Variants in FRMPD3 observed in about 807,000 individuals in gnomAD.
The protein encoded by FRMPD3 is FERM and PDZ domain-containing protein 3.
FRMPD3 carries 42 observed loss-of-function variants against 97.9 expected under a neutral mutation model. That is an observed-to-expected ratio of 0.43 (90% CI 0.34 to 0.55). The LOEUF is 0.55. Among genes scored for constraint, FRMPD3 ranks in the 20% least tolerant of loss-of-function variants. The probability of loss-of-function intolerance (pLI) is 0.03; values close to 1 mark genes in which losing one functional copy is unlikely to be tolerated. For synonymous variants in FRMPD3, 577 were observed against 581.1 expected, an observed-to-expected ratio of 0.99 and a Z score of 0.10; for missense variants, 1,303 against 1,457.7, an observed-to-expected ratio of 0.89 and a Z score of 1.73.
chrX:107,480,899 A>AAGGAAGGAAG (rs1569410738), intron 1 of FRMPD3, among the ~76,000 whole-genome samples: 27 of 42,836 alleles, frequency 6.3e-4, no homozygotes, highest in African/African-American at 2.7e-3. Flanking sequence ...AAGGAAGGAA[A>AAGGAAGGAAG]GAAAGAAAGA....
At chrX:107,539,246 A>G (rs1249235302) in intron 4 of FRMPD3, among the ~76,000 whole-genome samples, 3 of 111,422 alleles carry the variant, frequency 2.7e-5, no homozygotes, top group Admixed American at 9.5e-5. Flanking sequence ...ACAATTGGGG[A>G]GAGGGGTCAC....
rs1263542529 is a variant in FRMPD3, at chrX:107,553,030, C to T, written c.642+104C>T. The T allele has an allele frequency of 6.8e-5, 61 of 895,933 alleles. No homozygotes were observed. In the South Asian group the frequency reaches 1.5e-3, roughly 21 times the overall value. The allele number at this position is 895,933 out of a possible 1,213,427, so 73.8% of individuals were successfully genotyped here. Reference sequence around the variant, plus strand: ...TTTATAATGATATGCTCAGCCGGTTCCCAGAAGTCACAGTTCTCACCCAAA... The same window carrying T: ...TTTATAATGATATGCTCAGCCGGTTTCCAGAAGTCACAGTTCTCACCCAAA... On this transcript the variant is annotated intron_variant, in intron 7 of 14. Transcript: ENST00000683843.
intron 1 of FRMPD3, among the ~76,000 whole-genome samples, chrX:107,521,945 G>A (rs765205054): frequency 3.7e-4 from 42 of 112,438 alleles, no homozygotes; most frequent in Non-Finnish European, 7.3e-4. Context: ...TATTCTTCTC[G>A]GTTCATTTGT....
intron 1 of FRMPD3, among the ~76,000 whole-genome samples, chrX:107,471,147 G>A (rs1033459429): frequency 8.9e-6 from 1 of 111,948 alleles, no homozygotes; most frequent in South Asian, 3.8e-4. Flanking sequence ...TTTTAGCTTC[G>A]CACAAGGGGC....
At chrX:107,543,370 A>G (rs886127532) in intron 4 of FRMPD3, among the ~76,000 whole-genome samples, 4 of 110,659 alleles carry the variant, frequency 3.6e-5, no homozygotes, top group African/African-American at 1.3e-4. Context: ...GCTGTTCTTC[A>G]TACACCTCAA....
intron 1 of FRMPD3, among the ~76,000 whole-genome samples, chrX:107,450,674 T>C (rs182660592): frequency 1.8e-5 from 2 of 108,449 alleles, no homozygotes; most frequent in African/African-American, 6.8e-5. Context: ...CAAACACATA[T>C]ACAGATACAT....
At chrX:107,542,759 A>C (rs935265213) in intron 4 of FRMPD3, among the ~76,000 whole-genome samples, 1 of 112,195 alleles carries the variant, frequency 8.9e-6, no homozygotes. Flanking sequence ...TAAATGGTAG[A>C]TAATAGCTTA....
chrX:107,548,577 A>G (rs1921719276), intron 5 of FRMPD3, among the ~76,000 whole-genome samples: 1 of 113,024 alleles, frequency 8.8e-6, no homozygotes, highest in Non-Finnish European at 1.9e-5. Context: ...TAAATAGGAC[A>G]TGGTCTTTGT....
Position 107,601,874 on chromosome X carries a change from C to T in FRMPD3, c.3835C>T (p.Gln1279Ter). Residue 1279 changes from glutamine to a stop codon, truncating the protein, a stop_gained, in exon 15 of 15, where the codon CAG (glutamine) becomes TAG (stop). Coordinates refer to ENST00000683843, the MANE Select transcript of FRMPD3 (RefSeq NM_001388459.1). LOFTEE classifies it high-confidence loss of function. ...TCCAGCACCTGGCCGCTGCAGCTGC[C>T]AGCTCCGCAGCAGCCCTGTGCAGCA... ...QPPAPGRCSC[Q>*]LRSSPVQQGP... 1 of 1,208,265 alleles carries T rather than the reference C, an allele frequency of 8.3e-7. No homozygotes were observed. Among genetic ancestry groups the T allele is most frequent in the Non-Finnish European group, 1.1e-6 (1 of 894,024 alleles).
chrX:107,498,848 A>C (rs755752395), intron 1 of FRMPD3, among the ~76,000 whole-genome samples: 1 of 111,611 alleles, frequency 9.0e-6, no homozygotes, highest in Admixed American at 9.5e-5. Flanking sequence ...GGAGAGACTT[A>C]GAACAGGTGC....
At chrX:107,561,045 A>AGTT (rs1922343101) in intron 10 of FRMPD3, among the ~76,000 whole-genome samples, 192 bp downstream of exon 10, 1 of 112,257 alleles carries the variant, frequency 8.9e-6, no homozygotes, top group Non-Finnish European at 1.9e-5. Flanking sequence ...CATCCCAAAG[A>AGTT]GACAGCTGAG....
rs762123256 is a variant in FRMPD3 at position 107,603,169 on chromosome X, C to G, written c.5130C>G (p.Ser1710=). The G allele has an allele frequency of 1.9e-5, 21 of 1,095,608 alleles. No homozygotes were observed. Among genetic ancestry groups the G allele is most frequent in the Non-Finnish European group, 2.2e-5 (18 of 835,449 alleles). 90.3% of individuals were successfully genotyped at this position (1,095,608 alleles called of 1,213,427 possible). A position where few individuals can be genotyped will look rare whatever the true frequency, so the allele number is the denominator to read the frequency against. Residue 1710 remains serine, a synonymous_variant, in exon 15 of 15, where the codon TCC becomes TCG. Coordinates refer to ENST00000683843, the MANE Select transcript of FRMPD3 (RefSeq NM_001388459.1). ...YTFLLRAAEE[S]TARNLNQQQQ... ...TCCTGCTGCGTGCAGCTGAGGAGTC[C>G]ACAGCCCGTAACCTTAACCAGCAGC...
At chrX:107,450,454 G>A (rs1486372934) in intron 1 of FRMPD3, among the ~76,000 whole-genome samples, 3 of 110,186 alleles carry the variant, frequency 2.7e-5, no homozygotes, top group African/African-American at 6.6e-5. Flanking sequence ...AAGCATGTGC[G>A]TGGTTCCCGG....
intron 13 of FRMPD3, among the ~76,000 whole-genome samples, chrX:107,578,328 T>C (rs1923223921): frequency 8.9e-6 from 1 of 111,990 alleles, no homozygotes; most frequent in Admixed American, 9.5e-5. Context: ...TGGCCCCAAG[T>C]ATTCCCCTTG....
intron 5 of FRMPD3, among the ~76,000 whole-genome samples, chrX:107,547,223 G>A (rs1262383831): frequency 9.0e-6 from 1 of 111,696 alleles, no homozygotes; most frequent in African/African-American, 3.3e-5. Context: ...AAAACCCAGA[G>A]GACGTATGAC....
rs746869673 is a variant in FRMPD3 at position 107,515,714 on chromosome X, A to C, written c.-7-10868A>C. 1.6e-3 allele frequency among the ~76,000 whole-genome samples: 183 copies of C among 111,649 alleles called. 1 individual carries two copies. Among genetic ancestry groups the C allele is most frequent in the Admixed American group, 0.016 (171 of 10,556 alleles). ...TTGTTTGTTTTCTTAAGGATGGATT[A>C]TTTCCATCAGCATGCTAGCATGATT... On this transcript the variant is annotated intron_variant, in intron 1 of 14. Coordinates refer to ENST00000683843, the MANE Select transcript of FRMPD3 (RefSeq NM_001388459.1).
intron 13 of FRMPD3, among the ~76,000 whole-genome samples, chrX:107,591,590 T>G (rs1201021855): frequency 1.8e-5 from 2 of 112,670 alleles, no homozygotes; most frequent in Non-Finnish European, 3.7e-5. Flanking sequence ...TTCCTGATTT[T>G]AGTAATTTGA....
At chrX:107,540,804 G>A (rs887843097) in intron 4 of FRMPD3, among the ~76,000 whole-genome samples, 1 of 112,094 alleles carries the variant, frequency 8.9e-6, no homozygotes, top group African/African-American at 3.2e-5. Flanking sequence ...GTCAATTTCT[G>A]GGCCCCACTC....
At chrX:107,514,464 C>T (rs2147537165) in intron 1 of FRMPD3, among the ~76,000 whole-genome samples, 1 of 110,080 alleles carries the variant, frequency 9.1e-6, no homozygotes, top group South Asian at 3.9e-4. Flanking sequence ...AACTGGGTGA[C>T]AGCCATGGAG....
Sources: gnomAD v4.1 joint callset for allele counts (sites outside exome capture counted in the v4.1 genomes callset) on GRCh38, gnomAD v4.1.1 for gene constraint, MANE v1.5 for transcripts, NCBI Gene and HGNC (gene_info 2026-07-23, HGNC 2026-07-21) for gene names.